CD99L2: variants seen among roughly 807,000 people sequenced by gnomAD.
The protein encoded by CD99L2 is CD99 antigen-like protein 2.
Under a neutral mutation model 27.3 loss-of-function variants are expected in CD99L2, and 24 were observed. The observed-to-expected ratio is 0.88, with a 90% CI of 0.64 to 1.24. The LOEUF is 1.24. CD99L2 is among the 50% of genes most tolerant of loss of function. CD99L2 has a pLI of 0.00. For missense variants in CD99L2, 255 were observed against 221.6 expected (o/e 1.15, Z -0.96); for synonymous variants, 97 against 87.9 (o/e 1.10, Z -0.58).
intron 2 of CD99L2, chrX:150,816,334 G>A: frequency 2.7e-6 from 1 of 366,950 alleles, no homozygotes; most frequent in Non-Finnish European, 4.8e-6. Context: ...GTGACCTGGT[G>A]ATTAGTGAAC....
intron 2 of CD99L2, chrX:150,829,629 T>C (rs1225836352): frequency 1.9e-5 from 5 of 265,375 alleles, no homozygotes; most frequent in East Asian, 2.2e-4. Context: ...CATAGACATG[T>C]TCTCTAAGGA....
intron 1 of CD99L2, among the ~76,000 whole-genome samples, chrX:150,849,792 T>C (rs1008990977): frequency 1.8e-5 from 2 of 111,640 alleles, no homozygotes; most frequent in Non-Finnish European, 3.8e-5. Flanking sequence ...GCAATCAGTC[T>C]GGCTCATTCC....
chrX:150,843,753 ATG>A (rs1557421404), intron 1 of CD99L2, among the ~76,000 whole-genome samples: 1 of 111,155 alleles, frequency 9.0e-6, no homozygotes, highest in African/African-American at 3.3e-5. Context: ...TAAATCATAG[ATG>A]CATCATCTCA....
intron 1 of CD99L2, among the ~76,000 whole-genome samples, chrX:150,841,679 G>A (rs1409348545): frequency 9.0e-6 from 1 of 111,045 alleles, no homozygotes; most frequent in African/African-American, 3.3e-5. Flanking sequence ...ACATGTCATC[G>A]GGTAAATATG....
intron 4 of CD99L2, among the ~76,000 whole-genome samples, chrX:150,806,762 G>A (rs1320844039): frequency 9.1e-6 from 1 of 110,482 alleles, no homozygotes; most frequent in East Asian, 2.9e-4. Flanking sequence ...GTGGTGGTGG[G>A]AGCCTGTAAT....
intron 2 of CD99L2, among the ~76,000 whole-genome samples, chrX:150,819,967 TAAAC>T (rs1433073395): frequency 3.6e-5 from 4 of 111,374 alleles, no homozygotes; most frequent in African/African-American, 9.8e-5. Flanking sequence ...AATAAGTAAA[TAAAC>T]AAACAAACCA....
At chrX:150,885,045 G>A (rs995797984) in intron 1 of CD99L2, among the ~76,000 whole-genome samples, 1 of 111,625 alleles carries the variant, frequency 9.0e-6, no homozygotes, top group Non-Finnish European at 1.9e-5. Context: ...TACAAGGTTA[G>A]AAGACAGGTA....
intron 1 of CD99L2, among the ~76,000 whole-genome samples, chrX:150,838,917 ATG>A (rs2046577673): frequency 3.1e-5 from 2 of 63,747 alleles, no homozygotes; most frequent in African/African-American, 1.3e-4. Context: ...AAAAAAAAAA[ATG>A]GGGGGGGGGG....
rs782104535 is a variant in CD99L2, at chrX:150,801,743, T to A, written c.278-6257A>T. 3.6e-5 allele frequency among the ~76,000 whole-genome samples: 4 copies of A among 112,527 alleles called. No individual in the cohort carries two copies. In the South Asian group the frequency reaches 1.5e-3, roughly 41 times the overall value. On this transcript the variant is annotated intron_variant, in intron 4 of 10. Coordinates refer to ENST00000370377, the MANE Select transcript of CD99L2 (RefSeq NM_031462.4). The stretch of plus-strand genomic sequence containing the variant: ...TAAACAGCATGAAAAATGGAATTTA[T>A]TCCAGTCAGGCAAGTTGGATCAATA...
At chrX:150,896,174 C>T (rs1429834778) in intron 1 of CD99L2, among the ~76,000 whole-genome samples, 7 of 110,854 alleles carry the variant, frequency 6.3e-5, no homozygotes, top group Non-Finnish European at 1.1e-4. Flanking sequence ...CCGAGGCGGG[C>T]GGATCACGAG....
At position 150,793,397 on chromosome X, in the gene CD99L2, GTTA is replaced by G. The variant is rs1557419768; in HGVS notation, c.496+291_496+293del. ...TGCTTTCAGAGTCCACTGGCCCCCA[GTTA>G]TTATCATTGGTGGTGTTGCCTTGGC... On this transcript the variant is annotated intron_variant, in intron 7 of 10. Transcript: ENST00000370377. Among the ~76,000 whole-genome samples the G allele has an allele frequency of 2.7e-5, 3 of 112,769 alleles. No homozygotes were observed. The East Asian group carries it at 8.4e-4, about 31-fold the overall frequency.
At chrX:150,774,405 G>A (rs2043513505) in intron 9 of CD99L2, among the ~76,000 whole-genome samples, 1 of 111,190 alleles carries the variant, frequency 9.0e-6, no homozygotes, top group Non-Finnish European at 1.9e-5. Context: ...AACAGGGAGG[G>A]GAGACGAGTA....
chrX:150,820,598 T>C (rs1557420641), intron 2 of CD99L2, among the ~76,000 whole-genome samples: 1 of 112,053 alleles, frequency 8.9e-6, no homozygotes, highest in Admixed American at 9.5e-5. Flanking sequence ...GCTTTTTTCC[T>C]AGAATCAGCA....
At chrX:150,811,074 C>T (rs1240267065) in intron 4 of CD99L2, among the ~76,000 whole-genome samples, 2 of 111,650 alleles carry the variant, frequency 1.8e-5, no homozygotes, top group Non-Finnish European at 3.8e-5. Context: ...ATGAAACTCA[C>T]CAATAAAAAC....
At chrX:150,822,363 G>C (rs1438155985) in intron 2 of CD99L2, among the ~76,000 whole-genome samples, 1 of 111,958 alleles carries the variant, frequency 8.9e-6, no homozygotes, top group Non-Finnish European at 1.9e-5. Context: ...GGGGTTGGGA[G>C]GATAAAAGAA....
At position 150,768,252 on chromosome X, in the gene CD99L2, TAA is replaced by T. The variant is rs2043344140; in HGVS notation, c.*780_*781del. On this transcript the variant is annotated 3_prime_UTR_variant, in exon 11 of 11. Transcript: ENST00000370377. The stretch of plus-strand genomic sequence containing the variant: ...TCATCTCCGGTGCAGAAATGATTGC[TAA>T]AGACCTTTCTCATGTCAACCCGAAG... The T allele has an allele frequency of 8.9e-6, 1 of 111,904 alleles. No individual in the cohort carries two copies. The highest frequency in any genetic ancestry group is 3.7e-4 in the South Asian group (1 of 2,697). The allele number at this position is 111,904 out of a possible 1,213,427, so 9.2% of individuals were successfully genotyped here.
chrX:150,872,661 T>TA (rs149785048), intron 1 of CD99L2, among the ~76,000 whole-genome samples: 63 of 95,640 alleles, frequency 6.6e-4, no homozygotes, highest in Middle Eastern at 0.01. Flanking sequence ...AAGGAGCAGT[T>TA]AAAAAAAAAA....
chrX:150,870,946 G>A (rs2047147659), intron 1 of CD99L2, among the ~76,000 whole-genome samples: 1 of 111,744 alleles, frequency 8.9e-6, no homozygotes, highest in Non-Finnish European at 1.9e-5. Context: ...CATCTGGCAC[G>A]CTGGCTGAGG....
At chrX:150,884,961 C>A (rs935128012) in intron 1 of CD99L2, among the ~76,000 whole-genome samples, 3 of 112,275 alleles carry the variant, frequency 2.7e-5, no homozygotes, top group Non-Finnish European at 5.6e-5. Context: ...AAATGAACTA[C>A]AGTGACACAC....
Sources: gnomAD v4.1 joint callset for allele counts (sites outside exome capture counted in the v4.1 genomes callset) on GRCh38, gnomAD v4.1.1 for gene constraint, MANE v1.5 for transcripts, NCBI Gene and HGNC (gene_info 2026-07-23, HGNC 2026-07-21) for gene names.